CD99: variants seen among roughly 807,000 people sequenced by gnomAD.
CD99 encodes CD99 molecule (Xg blood group).
Under a neutral mutation model 28.4 loss-of-function variants are expected in CD99, and 19 were observed. That is an observed-to-expected ratio of 0.67 (90% confidence interval 0.47 to 0.98). CD99 has a LOEUF of 0.98. Ranked by LOEUF, CD99 falls within the 50% of genes least tolerant of loss-of-function variation. The probability of loss-of-function intolerance (pLI) is 0.00; values close to 1 mark genes in which losing one functional copy is unlikely to be tolerated. For synonymous variants in CD99, 103 were observed against 92.1 expected (o/e 1.12, Z -0.67); for missense variants, 283 against 248.8 (o/e 1.14, Z -0.92).
At chrX:2,705,991 C>A (rs1165315003) in intron 1 of CD99, among the ~76,000 whole-genome samples, 1 of 151,504 alleles carries the variant, frequency 6.6e-6, no homozygotes, top group African/African-American at 2.4e-5. Flanking sequence ...CCGAGGCCCC[C>A]CAAACCTGGA....
At position 2,722,758 on chromosome X, in the gene CD99, C is replaced by T. The variant is rs970539195; in HGVS notation, c.310+84C>T. On this transcript the variant is annotated intron_variant, in intron 6 of 9. Transcript: ENST00000381192. ...CTGTAGAATCACTACAGGGTCTAAACTGTCAGCTCTCTGTGAACTCACAGT... is the reference window on the plus strand; with the variant it reads ...CTGTAGAATCACTACAGGGTCTAAATTGTCAGCTCTCTGTGAACTCACAGT... 2.2e-5 allele frequency: 29 copies of T among 1,312,654 alleles called. No homozygotes were observed. In the African/African-American group the frequency reaches 3.8e-4, roughly 17 times the overall value. The allele number at this position is 1,312,654 out of a possible 1,614,324, so 81.3% of individuals were successfully genotyped here.
chrX:2,710,651 T>C (rs1334689359), intron 1 of CD99, among the ~76,000 whole-genome samples: 1 of 151,864 alleles, frequency 6.6e-6, no homozygotes, highest in African/African-American at 2.4e-5. Context: ...TGGAATCTCT[T>C]TGTTGGGGTG....
intron 8 of CD99, chrX:2,727,275 C>G: frequency 1.3e-6 from 1 of 778,490 alleles, no homozygotes; most frequent in Non-Finnish European, 2.4e-6. Flanking sequence ...GACGTACTCA[C>G]CATTGCAATC....
At chrX:2,706,939 G>A (rs1442930675) in intron 1 of CD99, among the ~76,000 whole-genome samples, 2 of 151,858 alleles carry the variant, frequency 1.3e-5, no homozygotes, top group Non-Finnish European at 2.9e-5. Context: ...TCCTGCCTCA[G>A]CCTCCCAAGT....
chrX:2,740,817 A>G lies in CD99; in HGVS notation c.*13A>G, dbSNP rs1272779906. The G allele has an allele frequency of 4.3e-6, 7 of 1,613,976 alleles. No homozygotes were observed. The highest frequency in any genetic ancestry group is 5.9e-6 in the Non-Finnish European group (7 of 1,179,844). On this transcript the variant is annotated 3_prime_UTR_variant, in exon 10 of 10. Coordinates refer to ENST00000381192, the MANE Select transcript of CD99 (RefSeq NM_002414.5). ...TTTAGAGAAATAGAAGATTGTCGGC[A>G]GAAACAGCCCAGGCGTTGGCAGCAG...
At chrX:2,735,255 C>T (rs1278834721) in intron 8 of CD99, among the ~76,000 whole-genome samples, 9 of 152,158 alleles carry the variant, frequency 5.9e-5, no homozygotes, top group Non-Finnish European at 1.0e-4. Flanking sequence ...GCATAGGTAC[C>T]CATTAAAGCC....
intron 1 of CD99, among the ~76,000 whole-genome samples, chrX:2,713,839 T>G (rs1471569428): frequency 1.3e-5 from 2 of 152,232 alleles, no homozygotes; most frequent in Non-Finnish European, 2.9e-5. Context: ...ATTTGGCTTT[T>G]CTTCAGTGCG....
intron 1 of CD99, among the ~76,000 whole-genome samples, chrX:2,701,974 G>A (rs2047885844): frequency 6.6e-6 from 1 of 152,200 alleles, no homozygotes; most frequent in Non-Finnish European, 1.5e-5. Context: ...AAATATAGAT[G>A]CCTGCATCTC....
intron 8 of CD99, among the ~76,000 whole-genome samples, chrX:2,732,571 C>CTT (rs113003601): frequency 0.11 from 15,268 of 143,768 alleles, 891 homozygotes; most frequent in Non-Finnish European, 0.13. Flanking sequence ...CCCTCTCTCT[C>CTT]TCTTTTCATT....
At chrX:2,697,459 A>G (rs2047629467) in intron 1 of CD99, among the ~76,000 whole-genome samples, 2 of 152,290 alleles carry the variant, frequency 1.3e-5, no homozygotes, top group South Asian at 4.1e-4. Context: ...GGCATTACTC[A>G]TCAGCGACAC....
At chrX:2,737,326 C>T (rs1475463829) in intron 8 of CD99, among the ~76,000 whole-genome samples, 9 of 151,300 alleles carry the variant, frequency 5.9e-5, no homozygotes, top group Middle Eastern at 3.4e-3. Flanking sequence ...TACAGGTGCA[C>T]GCCACCACGC....
rs917044995 is a variant in CD99, at chrX:2,691,415, G to A, written c.55G>A (p.Val19Ile). The change falls in exon 1 of 10, where the codon GTC (valine) becomes ATC (isoleucine). Residue 19 changes from valine (V) to isoleucine (I), a missense_variant. By Grantham distance (29) the Val-to-Ile change is conservative (BLOSUM62 3). Transcript: ENST00000381192. ...GCTCTTCGGCCTGCTGGGTGTTCTG[G>A]TCGCCGCCCCGGGTGAGCGAGCGGA... The part of the protein sequence containing the change: ...LLLFGLLGVL[V>I]AAPDGGFDLS... 7.4e-5 allele frequency: 118 copies of A among 1,584,656 alleles called. 1 individual carries two copies. Among genetic ancestry groups the A allele is most frequent in the Non-Finnish European group, 9.8e-5 (115 of 1,174,486 alleles).
chrX:2,703,679 A>C (rs1190586319), intron 1 of CD99, among the ~76,000 whole-genome samples: 6 of 151,606 alleles, frequency 4.0e-5, no homozygotes, highest in Non-Finnish European at 7.4e-5. Flanking sequence ...ACAGAGACAC[A>C]CAGGGCTCTG....
chrX:2,703,004 C>T (rs976257682), intron 1 of CD99, among the ~76,000 whole-genome samples: 3 of 152,008 alleles, frequency 2.0e-5, no homozygotes, highest in Admixed American at 1.3e-4. Flanking sequence ...GGCCAGGCTG[C>T]TCTCAAACTC....
At chrX:2,720,219 G>A (rs1360448254) in intron 4 of CD99, 137 bp from the exon 5 acceptor site, 1 of 715,536 alleles carries the variant, frequency 1.4e-6, no homozygotes, top group African/African-American at 1.8e-5. Context: ...GCAGGAGACT[G>A]TGTGTGTACA....
At chrX:2,717,987 G>T (rs1324842622) in intron 3 of CD99, 4 of 295,228 alleles carry the variant, frequency 1.4e-5, no homozygotes, top group African/African-American at 9.1e-5. Flanking sequence ...TGTCTCCCAG[G>T]CTGGAGTGCA....
intron 1 of CD99, among the ~76,000 whole-genome samples, chrX:2,704,560 A>C (rs1460252829): frequency 6.6e-6 from 1 of 152,090 alleles, no homozygotes; most frequent in Non-Finnish European, 1.5e-5. Context: ...CAGCCTCCCA[A>C]GTAGCTGGAA....
intron 1 of CD99, among the ~76,000 whole-genome samples, chrX:2,704,508 A>G (rs945489020): frequency 6.6e-6 from 1 of 151,968 alleles, no homozygotes; most frequent in Admixed American, 6.6e-5. Flanking sequence ...GTCTCGGCTC[A>G]CTGCAACCTC....
In CD99 at chrX:2,731,547, C is replaced by T. The variant is rs188281250; in HGVS notation, c.475+5174C>T. ...AGAGTTGCAGTGAGCCGAGATCGAG[C>T]CACTGCACTCCAGCCTGGGGACAAG... On this transcript the variant is annotated intron_variant, in intron 8 of 9. Transcript: ENST00000381192. Among the ~76,000 whole-genome samples, 394 of 152,232 alleles carry T rather than the reference C, an allele frequency of 2.6e-3. 1 individual carries two copies. The highest frequency in any genetic ancestry group is 9.1e-3 in the African/African-American group (379 of 41,526).
Sources: allele counts gnomAD v4.1 joint callset (sites outside exome capture counted in the v4.1 genomes callset), GRCh38; gene constraint gnomAD v4.1.1; transcripts MANE v1.5; gene names NCBI Gene and HGNC (gene_info 2026-07-23, HGNC 2026-07-21).